Variants in ACTN1 observed in about 807,000 individuals in gnomAD.
The protein encoded by ACTN1 is alpha-actinin-1.
In ACTN1, 30 loss-of-function variants were observed where a neutral mutation model predicts 119.6. The ratio of observed to expected loss-of-function variants is 0.25; its 90% CI spans 0.19 to 0.34. The LOEUF (loss-of-function observed/expected upper bound fraction) is 0.34, where lower values mean the gene tolerates loss of function less well. ACTN1 is among the 10% of genes least tolerant of loss of function. ACTN1 has a pLI of 1.00. For synonymous variants in ACTN1, 429 were observed against 472.6 expected, an observed-to-expected ratio of 0.91 and a Z score of 1.20; for missense variants, 764 against 1,223.4, an observed-to-expected ratio of 0.62 and a Z score of 5.60.
In ACTN1 at chr14:68,875,071, C is replaced by T. The variant is rs1228501261; in HGVS notation, c.2587-54G>A. ...GCAAAGTCCAGCAGCCGTAAAGCGGCGCGGCCCGACACAGCCGCAAAGCCT... is the reference window on the plus strand; with the variant it reads ...GCAAAGTCCAGCAGCCGTAAAGCGGTGCGGCCCGACACAGCCGCAAAGCCT... On this transcript the variant is annotated intron_variant, in intron 21 of 21. Transcript: ENST00000394419. 5.6e-6 allele frequency: 9 copies of T among 1,601,248 alleles called. No homozygotes were observed. The East Asian group carries it at 1.8e-4, about 32-fold the overall frequency.
In ACTN1 at chr14:68,878,836, G is replaced by A. The variant is rs757943603; in HGVS notation, c.2361+153C>T. 101 of 1,595,038 alleles carry A rather than the reference G, an allele frequency of 6.3e-5. No individual in the cohort carries two copies. The highest frequency in any genetic ancestry group is 8.6e-5 in the Non-Finnish European group (101 of 1,177,880). ...AGCAGAGGGCAGAGGGTGGACCAGTGATGGGGCAGACAGAGACAGCAGGAG... is the reference window on the plus strand; with the variant it reads ...AGCAGAGGGCAGAGGGTGGACCAGTAATGGGGCAGACAGAGACAGCAGGAG... On this transcript the variant is annotated intron_variant, in intron 19 of 21. Transcript: ENST00000394419. This position sits in a 1 kb window ranked among gnomAD's most constrained non-coding sequence, Gnocchi z 4.4.
chr14:68,888,165 C>A, intron 11 of ACTN1: 1 of 509,456 alleles, frequency 2.0e-6, no homozygotes, highest in South Asian at 2.0e-5. Context: ...GCTGCCTGGC[C>A]GCTGCCACTC....
Position 68,963,194 on chromosome 14 carries a change from G to T in ACTN1, c.105+15758C>A, listed in dbSNP as rs190056412. On this transcript the variant is annotated intron_variant, in intron 1 of 21. Coordinates refer to ENST00000394419, the MANE Select transcript of ACTN1 (RefSeq NM_001130004.2). ...TAGCTCACATGATCACCTCCTCCAG[G>T]AAGTCCTACCTGTCTCCTCCAGGAT... is the stretch of plus-strand genomic sequence containing the variant. Among the ~76,000 whole-genome samples, 6 of 145,794 alleles carry T rather than the reference G, an allele frequency of 4.1e-5. No individual in the cohort carries two copies. In the South Asian group the frequency reaches 6.8e-4, roughly 17 times the overall value.
At chr14:68,964,176 C>T (rs192625767) in intron 1 of ACTN1, among the ~76,000 whole-genome samples, 266 of 152,334 alleles carry the variant, frequency 1.7e-3, no homozygotes, top group African/African-American at 5.9e-3. Context: ...CTTTCCAACC[C>T]TGCCTATTCC....
In ACTN1 at chr14:68,878,761, A is replaced by G. The variant is rs752348347; in HGVS notation, c.2361+228T>C. On this transcript the variant is annotated intron_variant, in intron 19 of 21. Transcript: ENST00000394419. This position sits in a 1 kb window ranked among gnomAD's most constrained non-coding sequence, Gnocchi z 4.4. ...GCAAAAATCCACCCATGGGATGAAG[A>G]GCAGCGAGGACGGAAGACAGCGGGC... 3 of 1,546,282 alleles carry G rather than the reference A, an allele frequency of 1.9e-6. No homozygotes were observed. Among genetic ancestry groups the G allele is most frequent in the East Asian group, 2.4e-5 (1 of 41,194 alleles).
At chr14:68,934,193 G>T (rs140740494) in intron 1 of ACTN1, among the ~76,000 whole-genome samples, 2 of 152,348 alleles carry the variant, frequency 1.3e-5, no homozygotes, top group Non-Finnish European at 2.9e-5. Flanking sequence ...TGTATGACAT[G>T]CTAAAACAAG....
rs755101297 is a variant in ACTN1 at position 68,902,540 on chromosome 14, C to T, written c.699G>A (p.Pro233=). ...CGTAAGTCATGATGGCTTTCTCATC[C>T]GGTCGGGCAGTTCCAACGATGTCTG... ...DAEDIVGTAR[P]DEKAIMTYVS... The change falls in exon 8 of 22, where the codon CCG becomes CCA. Residue 233 remains proline, a synonymous_variant. Transcript: ENST00000394419. 9.3e-6 allele frequency: 15 copies of T among 1,613,558 alleles called. No homozygotes were observed. The highest frequency in any genetic ancestry group is 2.7e-5 in the African/African-American group (2 of 74,854).
rs1461050516 is a variant in ACTN1 at position 68,874,874 on chromosome 14, G to A, written c.2730C>T (p.Gly910=). ...GCGGGGTGGATTAGAGGTCACTCTCGCCGTACAGCGCCGTGGAGAAGGACA... is the reference window on the plus strand; with the variant it reads ...GCGGGGTGGATTAGAGGTCACTCTCACCGTACAGCGCCGTGGAGAAGGACA... ...DYMSFSTALY[G]ESDL The change falls in exon 22 of 22, where the codon GGC becomes GGT. Residue 910 remains glycine, a synonymous_variant. Coordinates refer to ENST00000394419, the MANE Select transcript of ACTN1 (RefSeq NM_001130004.2). 2 of 1,587,508 alleles carry A rather than the reference G, an allele frequency of 1.3e-6. No homozygotes were observed. Among genetic ancestry groups the A allele is most frequent in the African/African-American group, 2.7e-5 (2 of 74,490 alleles).
chr14:68,926,253 T>C (rs921899289), intron 1 of ACTN1, among the ~76,000 whole-genome samples: 2 of 152,138 alleles, frequency 1.3e-5, no homozygotes, highest in African/African-American at 4.8e-5. Context: ...TGGGTGGGGA[T>C]AGGGGCACCC....
chr14:68,888,162 G>A, intron 11 of ACTN1: 1 of 515,196 alleles, frequency 1.9e-6, no homozygotes, highest in South Asian at 2.0e-5. Flanking sequence ...TGTGCTGCCT[G>A]GCCGCTGCCA....
At chr14:68,887,544 T>G in intron 11 of ACTN1, 2 of 1,293,558 alleles carry the variant, frequency 1.5e-6, no homozygotes, top group Non-Finnish European at 2.1e-6. Context: ...AAGCCTCCCA[T>G]AATTCAATAT....
intron 1 of ACTN1, among the ~76,000 whole-genome samples, chr14:68,953,729 A>G (rs554329261): frequency 6.6e-6 from 1 of 152,020 alleles, no homozygotes; most frequent in East Asian, 1.9e-4. Flanking sequence ...ATACAAAAAA[A>G]AAAAAAAATT....
rs773768447 is a variant in ACTN1 at position 68,875,033 on chromosome 14, G to C, written c.2587-16C>G. ...TAATGTAGTTCTGCGAGGAGAGAGT[G>C]GTCAGGAAGGCCGCAAAGTCCAGCA... is the stretch of plus-strand genomic sequence containing the variant. On this transcript the variant is annotated splice_polypyrimidine_tract_variant and intron_variant, in intron 21 of 21. Coordinates refer to ENST00000394419, the MANE Select transcript of ACTN1 (RefSeq NM_001130004.2). 1.2e-6 allele frequency: 2 copies of C among 1,611,620 alleles called. No homozygotes were observed. Among genetic ancestry groups the C allele is most frequent in the African/African-American group, 1.3e-5 (1 of 75,054 alleles).
In ACTN1 at chr14:68,880,855, C is replaced by T; in HGVS notation, c.2088G>A (p.Gln696=). 1.2e-6 allele frequency: 2 copies of T among 1,614,164 alleles called. No individual in the cohort carries two copies. The highest frequency in any genetic ancestry group is 1.7e-6 in the Non-Finnish European group (2 of 1,180,014). ...GCTTGTTGTCGAAGATGAGCGCCTCCTGGATGAGCTGGTGGTCGCCCTCCA... is the reference window on the plus strand; with the variant it reads ...GCTTGTTGTCGAAGATGAGCGCCTCTTGGATGAGCTGGTGGTCGCCCTCCA... ...DQLEGDHQLI[Q]EALIFDNKHT... is the part of the protein sequence containing the mutation. Residue 696 remains glutamine, a synonymous_variant, in exon 17 of 22, where the codon CAG becomes CAA. Coordinates refer to ENST00000394419, the MANE Select transcript of ACTN1 (RefSeq NM_001130004.2). The surrounding 1 kb of genome is among the most constrained non-coding windows in gnomAD (Gnocchi z 4.6).
At chr14:68,955,821 G>C (rs1391539613) in intron 1 of ACTN1, among the ~76,000 whole-genome samples, 1 of 152,218 alleles carries the variant, frequency 6.6e-6, no homozygotes, top group African/African-American at 2.4e-5. Flanking sequence ...TCCAAAAGCA[G>C]TTTACAACCA....
At chr14:68,959,433 C>T (rs1321001192) in intron 1 of ACTN1, among the ~76,000 whole-genome samples, 1 of 152,240 alleles carries the variant, frequency 6.6e-6, no homozygotes, top group Non-Finnish European at 1.5e-5. Context: ...TAAAACTCAG[C>T]TTTTAGTGCT....
Position 68,902,473 on chromosome 14 carries a change from G to A in ACTN1, c.762+4C>T, listed in dbSNP as rs1355906520. 1.2e-6 allele frequency: 2 copies of A among 1,613,538 alleles called. No homozygotes were observed. Among genetic ancestry groups the A allele is most frequent in the Non-Finnish European group, 1.7e-6 (2 of 1,179,630 alleles). ...GCATGGAAGGAGCAGGGGGCCCCGG[G>A]TACCTTCTGGGCTCCAGAGAAGGCG... On this transcript the variant is annotated splice_donor_region_variant and intron_variant, in intron 8 of 21. Transcript: ENST00000394419.
chr14:68,878,395 T>G lies in ACTN1; in HGVS notation c.2427+63A>C. Reference sequence around the variant, plus strand: ...CCTCCAGCCTGCCACTCCTGGGACTTGGCTGCTCCCGCCAGCTGGCTGCCT... The same window carrying G: ...CCTCCAGCCTGCCACTCCTGGGACTGGGCTGCTCCCGCCAGCTGGCTGCCT... On this transcript the variant is annotated intron_variant, in intron 20 of 21. Transcript: ENST00000394419. The surrounding 1 kb of genome is among the most constrained non-coding windows in gnomAD (Gnocchi z 4.4). 1.3e-6 allele frequency: 2 copies of G among 1,515,044 alleles called. No individual in the cohort carries two copies. Among genetic ancestry groups the G allele is most frequent in the Non-Finnish European group, 1.8e-6 (2 of 1,133,954 alleles). 93.9% of individuals were successfully genotyped at this position (1,515,044 alleles called of 1,614,324 possible).
intron 21 of ACTN1, 40 bp downstream of exon 21, chr14:68,877,042 C>T (rs754400788): frequency 6.2e-7 from 1 of 1,608,996 alleles, no homozygotes; most frequent in East Asian, 2.2e-5. Context: ...CCAGCCAGTG[C>T]CTGCCACCCC....
Sources: gnomAD v4.1 joint callset for allele counts (sites outside exome capture counted in the v4.1 genomes callset) on GRCh38, gnomAD v4.1.1 for gene constraint, Gnocchi (gnomAD v3.1) non-coding constraint, MANE v1.5 for transcripts, NCBI Gene and HGNC (gene_info 2026-07-23, HGNC 2026-07-21) for gene names.